KIAA1958: variants seen among roughly 807,000 people sequenced by gnomAD.
The protein encoded by KIAA1958 is KIAA1958, also known as uncharacterized protein KIAA1958.
A neutral mutation model predicts 47.2 loss-of-function variants in KIAA1958; 14 were observed. The ratio of observed to expected loss-of-function variants is 0.30; its 90% CI spans 0.20 to 0.46. The LOEUF (loss-of-function observed/expected upper bound fraction) is 0.46. KIAA1958 is among the 20% of genes least tolerant of loss of function. The probability of loss-of-function intolerance (pLI) is 1.00; values close to 1 mark genes in which losing one functional copy is unlikely to be tolerated. For synonymous variants in KIAA1958, 354 were observed against 353.3 expected (o/e 1.00, Z -0.02); for missense variants, 803 against 909.2 (o/e 0.88, Z 1.50).
At chr9:112,554,451 T>A (rs1835207394) in intron 1 of KIAA1958, among the ~76,000 whole-genome samples, 1 of 152,060 alleles carries the variant, frequency 6.6e-6, no homozygotes, top group African/African-American at 2.4e-5. Flanking sequence ...TGAGCTGAGA[T>A]CGTGCCACTG....
rs187201985 is a variant in KIAA1958 at position 112,613,332 on chromosome 9, C to T, written c.1172-32318C>T. Reference sequence around the variant, plus strand: ...TTTGGTAAATGGCAGATCAAAAATACGCAAGTCAGTTCTAGGTGGATGGCA... The same window carrying T: ...TTTGGTAAATGGCAGATCAAAAATATGCAAGTCAGTTCTAGGTGGATGGCA... On this transcript the variant is annotated intron_variant, in intron 2 of 3. Coordinates refer to ENST00000337530, the MANE Select transcript of KIAA1958 (RefSeq NM_133465.4). 1.8e-4 allele frequency among the ~76,000 whole-genome samples: 28 copies of T among 151,970 alleles called. 1 individual carries two copies. The highest frequency in any genetic ancestry group is 1.6e-3 in the Admixed American group (25 of 15,276).
chr9:112,493,383 C>G (rs776270982), intron 1 of KIAA1958, among the ~76,000 whole-genome samples: 2 of 152,202 alleles, frequency 1.3e-5, no homozygotes, highest in Non-Finnish European at 2.9e-5. Flanking sequence ...CTCTTCACAT[C>G]TGTGTCTTTT....
chr9:112,623,086 C>A (rs752436838), intron 2 of KIAA1958, among the ~76,000 whole-genome samples: 3 of 152,124 alleles, frequency 2.0e-5, no homozygotes, highest in Non-Finnish European at 4.4e-5. Flanking sequence ...ATACGTAATT[C>A]TGCTTTGAGT....
chr9:112,586,420 C>T (rs1048545212), intron 2 of KIAA1958, among the ~76,000 whole-genome samples: 1 of 152,098 alleles, frequency 6.6e-6, no homozygotes. Flanking sequence ...TTACTAGTAT[C>T]TGAAAGGCAA....
intron 1 of KIAA1958, among the ~76,000 whole-genome samples, chr9:112,505,277 A>T (rs1322016780): frequency 6.6e-6 from 1 of 152,128 alleles, no homozygotes; most frequent in African/African-American, 2.4e-5. Context: ...TAGACTTTGG[A>T]CTCAGACTGC....
chr9:112,642,973 T>C lies in KIAA1958; in HGVS notation c.1172-2677T>C, dbSNP rs542437630. On this transcript the variant is annotated intron_variant, in intron 2 of 3. Coordinates refer to ENST00000337530, the MANE Select transcript of KIAA1958 (RefSeq NM_133465.4). Reference sequence around the variant, plus strand: ...GTTTCCTTTTTCAATGTATACTCTCTGTCCTGTGATTTTAAGAAAATTTTA... The same window carrying C: ...GTTTCCTTTTTCAATGTATACTCTCCGTCCTGTGATTTTAAGAAAATTTTA... Among the ~76,000 whole-genome samples the C allele has an allele frequency of 2.0e-5, 3 of 152,378 alleles. No individual in the cohort carries two copies. In the South Asian group the frequency reaches 6.2e-4, roughly 32 times the overall value.
chr9:112,580,414 A>ATATG (rs914312709), intron 2 of KIAA1958, among the ~76,000 whole-genome samples: 1 of 152,040 alleles, frequency 6.6e-6, no homozygotes, highest in Non-Finnish European at 1.5e-5. Context: ...ACATACATAT[A>ATATG]TATGTATATA....
chr9:112,576,442 C>T (rs1040008695), intron 2 of KIAA1958, among the ~76,000 whole-genome samples: 2 of 152,148 alleles, frequency 1.3e-5, no homozygotes, highest in African/African-American at 4.8e-5. Context: ...GTACAACTAT[C>T]GCTATTATCT....
chr9:112,541,998 G>A (rs184557200), intron 1 of KIAA1958, among the ~76,000 whole-genome samples: 132 of 152,234 alleles, frequency 8.7e-4, no homozygotes, highest in Non-Finnish European at 1.5e-3. Context: ...ATTTTTCTTA[G>A]CACTGCTTTA....
chr9:112,487,975 T>TGTGTG (rs1833898301), intron 1 of KIAA1958, among the ~76,000 whole-genome samples: 1 of 93,328 alleles, frequency 1.1e-5, no homozygotes, highest in Non-Finnish European at 2.3e-5. Flanking sequence ...GTGTGTGTGT[T>TGTGTG]TTGAAGTTTA....
At position 112,630,392 on chromosome 9, in the gene KIAA1958, TC is replaced by T. The variant is rs1253890755; in HGVS notation, c.1172-15256del. ...GGGCACAGTGGCAAATGCCTGTAATTCCAGCACTTTGGAAGGCCAAGGCAGG... is the reference window on the plus strand; with the variant it reads ...GGGCACAGTGGCAAATGCCTGTAATTCAGCACTTTGGAAGGCCAAGGCAGG... On this transcript the variant is annotated intron_variant, in intron 2 of 3. Transcript: ENST00000337530. 2.0e-5 allele frequency among the ~76,000 whole-genome samples: 3 copies of T among 152,302 alleles called. No individual in the cohort carries two copies. In the East Asian group the frequency reaches 5.8e-4, roughly 29 times the overall value.
rs1417795869 is a variant in KIAA1958 at position 112,618,291 on chromosome 9, G to A, written c.1172-27359G>A. 3.2e-6 allele frequency: 5 copies of A among 1,551,022 alleles called. No homozygotes were observed. The South Asian group carries it at 3.6e-5, about 11-fold the overall frequency. The stretch of plus-strand genomic sequence containing the variant: ...GCTGACGAGCTCATCCTGCGGAAAA[G>A]GGGACTGCTAAGCCGATATAACCCC... On this transcript the variant is annotated intron_variant, in intron 2 of 3. Transcript: ENST00000337530. The surrounding 1 kb of genome is among the most constrained non-coding windows in gnomAD (Gnocchi z 7.1).
chr9:112,524,286 A>G (rs573330341), intron 1 of KIAA1958, among the ~76,000 whole-genome samples: 39 of 152,358 alleles, frequency 2.6e-4, no homozygotes, highest in African/African-American at 9.4e-4. Context: ...GGGCTGTAGA[A>G]CTGGACTGTA....
chr9:112,550,551 A>G (rs1835123212), intron 1 of KIAA1958, among the ~76,000 whole-genome samples: 2 of 152,216 alleles, frequency 1.3e-5, no homozygotes, highest in Non-Finnish European at 2.9e-5. Flanking sequence ...GTTTATGCTC[A>G]CAGTTATTGT....
In KIAA1958 at chr9:112,550,752, C is replaced by G. The variant is rs78762120; in HGVS notation, c.-24-23305C>G. Among the ~76,000 whole-genome samples, 8 of 152,216 alleles carry G rather than the reference C, an allele frequency of 5.3e-5. No individual in the cohort carries two copies. In the East Asian group the frequency reaches 1.5e-3, roughly 29 times the overall value. ...AGGGAAGCTCACCCAACCCAGGTGTCCAGGGTTTTTATTTGTCAGTCATGT... is the reference window on the plus strand; with the variant it reads ...AGGGAAGCTCACCCAACCCAGGTGTGCAGGGTTTTTATTTGTCAGTCATGT... On this transcript the variant is annotated intron_variant, in intron 1 of 3. Coordinates refer to ENST00000337530, the MANE Select transcript of KIAA1958 (RefSeq NM_133465.4).
intron 3 of KIAA1958, among the ~76,000 whole-genome samples, chr9:112,655,702 GA>G (rs1837139399): frequency 6.6e-6 from 1 of 152,186 alleles, no homozygotes; most frequent in Non-Finnish European, 1.5e-5. Context: ...AGGGAACTTG[GA>G]ATGGGAGGCA....
intron 2 of KIAA1958, among the ~76,000 whole-genome samples, chr9:112,639,858 A>T (rs760284256): frequency 6.6e-6 from 1 of 152,236 alleles, no homozygotes; most frequent in Non-Finnish European, 1.5e-5. Flanking sequence ...TTAAAAGTGC[A>T]TAGTTCAGGA....
chr9:112,645,196 A>G (rs959357403), intron 2 of KIAA1958, among the ~76,000 whole-genome samples: 6 of 151,934 alleles, frequency 3.9e-5, no homozygotes, highest in Admixed American at 2.6e-4. Context: ...GGCACACAAG[A>G]CATTTGAAAA....
At chr9:112,498,167 G>C (rs547381424) in intron 1 of KIAA1958, among the ~76,000 whole-genome samples, 6 of 152,158 alleles carry the variant, frequency 3.9e-5, no homozygotes, top group African/African-American at 1.4e-4. Context: ...GACATCTTCT[G>C]AAAACAAGGA....
Sources: gnomAD v4.1 joint callset for allele counts (sites outside exome capture counted in the v4.1 genomes callset) on GRCh38, gnomAD v4.1.1 for gene constraint, Gnocchi (gnomAD v3.1) non-coding constraint, MANE v1.5 for transcripts, NCBI Gene and HGNC (gene_info 2026-07-23, HGNC 2026-07-21) for gene names.